Variants in TOGARAM1 observed in about 807,000 individuals in gnomAD.
TOGARAM1 encodes the protein TOG array regulator of axonemal microtubules 1.
TOGARAM1 carries 100 observed loss-of-function variants against 166.6 expected under a neutral mutation model. The observed-to-expected ratio is 0.60, with a 90% CI of 0.51 to 0.71. The LOEUF is 0.71. TOGARAM1 is among the 30% of genes least tolerant of loss of function. The probability of loss-of-function intolerance (pLI) is 0.00; values close to 1 mark genes in which losing one functional copy is unlikely to be tolerated. For synonymous variants in TOGARAM1, 758 were observed against 763.8 expected (o/e 0.99, Z 0.13); for missense variants, 2,029 against 2,102.7 (o/e 0.96, Z 0.69).
intron 19 of TOGARAM1, among the ~76,000 whole-genome samples, chr14:45,072,488 G>A (rs568615232): frequency 7.9e-5 from 12 of 151,834 alleles, no homozygotes; most frequent in South Asian, 6.2e-4. Flanking sequence ...GTGCAGTGGC[G>A]CAATATCGGC....
intron 3 of TOGARAM1, among the ~76,000 whole-genome samples, 188 bp from the exon 4 acceptor site, chr14:45,003,873 A>C (rs1040601046): frequency 1.4e-5 from 2 of 144,500 alleles, no homozygotes; most frequent in African/African-American, 5.1e-5. Flanking sequence ...TGGGATAAAG[A>C]AGTTTTGAAT....
intron 15 of TOGARAM1, among the ~76,000 whole-genome samples, chr14:45,053,573 T>C (rs1283931968): frequency 6.6e-6 from 1 of 152,172 alleles, no homozygotes; most frequent in Non-Finnish European, 1.5e-5. Flanking sequence ...ACAAAAATAA[T>C]GTAGCAATAG....
intron 5 of TOGARAM1, chr14:45,006,626 A>G (rs1879449105): frequency 6.3e-6 from 1 of 158,136 alleles, no homozygotes; most frequent in Admixed American, 6.2e-5. Flanking sequence ...AATAAATGAA[A>G]CATAGCATAG....
intron 6 of TOGARAM1, 168 bp from the exon 7 acceptor site, chr14:45,011,807 G>A (rs1011625367): frequency 1.7e-5 from 9 of 522,704 alleles, no homozygotes; most frequent in African/African-American, 1.4e-4. Flanking sequence ...GTGTGTGTGT[G>A]TGTGTATACA....
chr14:44,985,158 G>A (rs896864975), intron 1 of TOGARAM1, among the ~76,000 whole-genome samples: 7 of 152,052 alleles, frequency 4.6e-5, no homozygotes, highest in African/African-American at 1.7e-4. Flanking sequence ...GAATTACAGG[G>A]GTGGACCACC....
At position 45,046,843 on chromosome 14, in the gene TOGARAM1, T is replaced by C. The variant is rs879071111; in HGVS notation, c.4313+140T>C. 4.8e-6 allele frequency: 3 copies of C among 627,328 alleles called. No individual in the cohort carries two copies. The Admixed American group carries it at 1.3e-4, about 27-fold the overall frequency. The allele number at this position is 627,328 out of a possible 1,614,324, so 38.9% of individuals were successfully genotyped here. A position where few individuals can be genotyped will look rare whatever the true frequency, so the allele number is the denominator to read the frequency against. On this transcript the variant is annotated intron_variant, in intron 14 of 19. Transcript: ENST00000361462. ...GGATTGGTGCTGGGGGATGGTCTTA[T>C]TTAACCAGTTTGTAAATATTCTTGA...
intron 2 of TOGARAM1, chr14:44,996,916 C>T (rs539732195): frequency 6.6e-6 from 1 of 152,366 alleles, no homozygotes; most frequent in South Asian, 2.1e-4. Flanking sequence ...GCCACATGAT[C>T]CAGTCACCTC....
chr14:44,986,374 C>CA (rs1886794572), intron 1 of TOGARAM1, among the ~76,000 whole-genome samples: 1 of 152,146 alleles, frequency 6.6e-6, no homozygotes, highest in African/African-American at 2.4e-5. Flanking sequence ...ACTACAACCT[C>CA]AAACTCCTGG....
chr14:44,995,004 G>A (rs894940548), intron 1 of TOGARAM1, among the ~76,000 whole-genome samples: 7 of 152,226 alleles, frequency 4.6e-5, no homozygotes, highest in Middle Eastern at 6.8e-3. Flanking sequence ...AAGTTTTATA[G>A]TCATGTTGAA....
At chr14:44,977,515 C>T (rs765929132) in intron 1 of TOGARAM1, among the ~76,000 whole-genome samples, 4 of 152,104 alleles carry the variant, frequency 2.6e-5, no homozygotes, top group South Asian at 2.1e-4. Context: ...GGATTACAGG[C>T]GTGAGCCACA....
At chr14:45,045,023 G>A (rs1287118406) in intron 13 of TOGARAM1, among the ~76,000 whole-genome samples, 153 bp downstream of exon 13, 4 of 152,184 alleles carry the variant, frequency 2.6e-5, no homozygotes, top group Admixed American at 6.5e-5. Flanking sequence ...ACTACATGCC[G>A]AATATGAAAA....
chr14:45,032,185 A>T, intron 10 of TOGARAM1, 38 bp from the exon 11 acceptor site: 2 of 1,563,106 alleles, frequency 1.3e-6, no homozygotes, highest in Non-Finnish European at 1.7e-6. Flanking sequence ...TTTTTTAAAA[A>T]GGTTCTCTCA....
intron 8 of TOGARAM1, among the ~76,000 whole-genome samples, chr14:45,026,713 G>A (rs991184123): frequency 6.6e-6 from 1 of 151,658 alleles, no homozygotes; most frequent in Non-Finnish European, 1.5e-5. Flanking sequence ...TAAACACCCA[G>A]CTCTGCCAGG....
At chr14:45,000,989 C>A (rs1051157084) in intron 3 of TOGARAM1, among the ~76,000 whole-genome samples, 4 of 152,116 alleles carry the variant, frequency 2.6e-5, no homozygotes, top group African/African-American at 7.2e-5. Flanking sequence ...CCTCAGCCTC[C>A]CAGAGTGCTA....
At chr14:45,063,372 C>T (rs1882985949) in intron 16 of TOGARAM1, among the ~76,000 whole-genome samples, 1 of 152,000 alleles carries the variant, frequency 6.6e-6, no homozygotes, top group Non-Finnish European at 1.5e-5. Flanking sequence ...TCCAAAGTGC[C>T]ACCATTTTAC....
rs1356977546 is a variant in TOGARAM1, at chr14:45,007,848, A to G, written c.2905-1065A>G. Reference sequence around the variant, plus strand: ...TGAGTTAAGAAGCAAGTCAACATCTATTATGTTTTTTGTTTGTGTGTGTGT... The same window carrying G: ...TGAGTTAAGAAGCAAGTCAACATCTGTTATGTTTTTTGTTTGTGTGTGTGT... On this transcript the variant is annotated intron_variant, in intron 5 of 19. Transcript: ENST00000361462. 3 of 152,262 alleles carry G rather than the reference A, an allele frequency of 2.0e-5. No individual in the cohort carries two copies. In the East Asian group the frequency reaches 5.8e-4, roughly 29 times the overall value. 9.4% of individuals were successfully genotyped at this position (152,262 alleles called of 1,614,324 possible).
intron 14 of TOGARAM1, among the ~76,000 whole-genome samples, chr14:45,048,217 C>A (rs1421656149): frequency 6.8e-6 from 1 of 146,710 alleles, no homozygotes; most frequent in Admixed American, 6.9e-5. Context: ...CCGGGCATGG[C>A]GGCATGCGCC....
intron 7 of TOGARAM1, among the ~76,000 whole-genome samples, chr14:45,021,495 G>C (rs955549857): frequency 1.3e-5 from 2 of 152,168 alleles, no homozygotes; most frequent in Non-Finnish European, 2.9e-5. Context: ...ATAAGGGAGG[G>C]CCATGGGGAT....
intron 14 of TOGARAM1, among the ~76,000 whole-genome samples, chr14:45,047,117 C>T (rs10132311): frequency 0.046 from 7,061 of 152,080 alleles, 527 homozygotes; most frequent in African/African-American, 0.16. Flanking sequence ...TAAGGCGGGT[C>T]GTGGTGGCTC....
Sources: allele counts gnomAD v4.1 joint callset (sites outside exome capture counted in the v4.1 genomes callset), GRCh38; gene constraint gnomAD v4.1.1; transcripts MANE v1.5; gene names NCBI Gene and HGNC (gene_info 2026-07-23, HGNC 2026-07-21).